The following LIMD1 variants were observed in gnomAD, a reference collection of about 807,000 sequenced individuals.
LIMD1 encodes LIM domain-containing protein 1.
In LIMD1, 23 loss-of-function variants were observed where a neutral mutation model predicts 58.4. The observed-to-expected ratio is 0.39, with a 90% CI of 0.28 to 0.56. The LOEUF (loss-of-function observed/expected upper bound fraction) is 0.56, where lower values mean the gene tolerates loss of function less well. Among genes scored for constraint, LIMD1 ranks in the 20% least tolerant of loss-of-function variants. The pLI, the probability that LIMD1 is intolerant of heterozygous loss-of-function variation, is 0.57. For missense variants in LIMD1, 838 were observed against 855.5 expected (o/e 0.98, Z 0.25); for synonymous variants, 334 against 345.5 (o/e 0.97, Z 0.37).
At chr3:45,619,107 G>A (rs566519489) in intron 1 of LIMD1, among the ~76,000 whole-genome samples, 1 of 152,246 alleles carries the variant, frequency 6.6e-6, no homozygotes, top group Admixed American at 6.5e-5. Context: ...AAATGTTTTT[G>A]TTGCTTGTCT....
Position 45,678,640 on chromosome 3 carries a change from T to C in LIMD1, c.*1581T>C, listed in dbSNP as rs574562481. 1 of 152,258 alleles carries C rather than the reference T, an allele frequency of 6.6e-6. No homozygotes were observed. The highest frequency in any genetic ancestry group is 6.5e-5 in the Admixed American group (1 of 15,284). 9.4% of individuals were successfully genotyped at this position (152,258 alleles called of 1,614,324 possible). A position where few individuals can be genotyped will look rare whatever the true frequency, so the allele number is the denominator to read the frequency against. On this transcript the variant is annotated 3_prime_UTR_variant, in exon 8 of 8. Transcript: ENST00000273317. ...CAGGCCGGGGACACAGGAGCCGGTG[T>C]GTGCACTCTGCCTCCTCACCTTGCA...
chr3:45,595,822 A>G lies in LIMD1; in HGVS notation c.943A>G (p.Asn315Asp), dbSNP rs1701341567. 1 of 1,614,158 alleles carries G rather than the reference A, an allele frequency of 6.2e-7. No individual in the cohort carries two copies. The highest frequency in any genetic ancestry group is 8.5e-7 in the Non-Finnish European group (1 of 1,180,018). Residue 315 changes from asparagine to aspartate, a missense_variant, in exon 1 of 8, where the codon AAC (asparagine) becomes GAC (aspartate). Transcript: ENST00000273317. Reference sequence around the variant, plus strand: ...CAGGCAAGGAGGTCTTCCAAGATCAAACTCGGGGCTGGGGGGTGAGGTTTC... The same window carrying G: ...CAGGCAAGGAGGTCTTCCAAGATCAGACTCGGGGCTGGGGGGTGAGGTTTC... Reference protein sequence around the residue: ...CPRQGGLPRSNSGLGGEVSGV... With the variant: ...CPRQGGLPRSDSGLGGEVSGV...
chr3:45,600,808 G>C (rs1272104413), intron 1 of LIMD1, among the ~76,000 whole-genome samples: 1 of 152,116 alleles, frequency 6.6e-6, no homozygotes, highest in African/African-American at 2.4e-5. Flanking sequence ...TCACACCTGT[G>C]ATCCCAGCGA....
chr3:45,631,025 G>A (rs193015702), intron 1 of LIMD1, among the ~76,000 whole-genome samples: 1 of 152,194 alleles, frequency 6.6e-6, no homozygotes, highest in East Asian at 1.9e-4. Flanking sequence ...CCAGCATGGA[G>A]AAACCCCGTC....
intron 2 of LIMD1, among the ~76,000 whole-genome samples, chr3:45,640,419 G>T (rs115121027): frequency 0.034 from 5,137 of 152,032 alleles, 88 homozygotes; most frequent in Non-Finnish European, 0.041. Flanking sequence ...GTTGTTTTTT[G>T]TTGTTGTTGT....
Position 45,594,809 on chromosome 3 carries a change from A to ACACACACACACAC in LIMD1, c.-70_-58dup. 3 of 723,096 alleles carry ACACACACACACAC rather than the reference A, an allele frequency of 4.1e-6. No individual in the cohort carries two copies. Among genetic ancestry groups the ACACACACACACAC allele is most frequent in the African/African-American group, 1.8e-5 (1 of 55,772 alleles). 44.8% of individuals were successfully genotyped at this position (723,096 alleles called of 1,614,324 possible). On this transcript the variant is annotated 5_prime_UTR_variant, in exon 1 of 8. Coordinates refer to ENST00000273317, the MANE Select transcript of LIMD1 (RefSeq NM_014240.3). ...CACACACACACACACACACACACAC[A>ACACACACACACAC]CACACACACACACACACACACACAC...
Position 45,633,280 on chromosome 3 carries a change from G to A in LIMD1, c.1409-2870G>A, listed in dbSNP as rs3774668. On this transcript the variant is annotated intron_variant, in intron 1 of 7. Coordinates refer to ENST00000273317, the MANE Select transcript of LIMD1 (RefSeq NM_014240.3). ...AAGAGAAGATGGAAGGGAGAAGGCA[G>A]GCAGGAACTTTTTGGGGGTGTTGGA... Among the ~76,000 whole-genome samples the A allele has an allele frequency of 5.8e-3, 881 of 152,302 alleles. 15 individuals carry two copies. In the East Asian group the frequency reaches 0.074, roughly 13 times the overall value.
chr3:45,662,101 A>G lies in LIMD1; in HGVS notation c.1511-3549A>G, dbSNP rs148182709. The stretch of plus-strand genomic sequence containing the variant: ...TGAGGAAAGCTAAAGATTTTATTTT[A>G]TAGTTATTGATCATTCATACTTATT... On this transcript the variant is annotated intron_variant, in intron 2 of 7. Coordinates refer to ENST00000273317, the MANE Select transcript of LIMD1 (RefSeq NM_014240.3). Among the ~76,000 whole-genome samples, 125 of 152,314 alleles carry G rather than the reference A, an allele frequency of 8.2e-4. 3 individuals are homozygous for G. The highest frequency in any genetic ancestry group is 2.8e-3 in the African/African-American group (117 of 41,572).
intron 1 of LIMD1, 89 bp from the exon 2 acceptor site, chr3:45,636,061 A>T (rs1217815112): frequency 3.8e-6 from 6 of 1,571,650 alleles, no homozygotes; most frequent in Non-Finnish European, 5.2e-6. Context: ...ATGGGGAGGG[A>T]TGGTATTATG....
chr3:45,646,531 C>G (rs1028538868), intron 2 of LIMD1, among the ~76,000 whole-genome samples: 1 of 152,330 alleles, frequency 6.6e-6, no homozygotes, highest in East Asian at 1.9e-4. Context: ...TACTGGCCAC[C>G]TGGGGCTCTT....
chr3:45,596,638 A>G (rs1701358700), intron 1 of LIMD1, among the ~76,000 whole-genome samples: 2 of 151,792 alleles, frequency 1.3e-5, no homozygotes, highest in South Asian at 4.2e-4. Flanking sequence ...CTCATATAGG[A>G]CTTCAGTGGG....
chr3:45,621,087 CA>C (rs1485398744), intron 1 of LIMD1, among the ~76,000 whole-genome samples: 1 of 152,210 alleles, frequency 6.6e-6, no homozygotes, highest in African/African-American at 2.4e-5. Flanking sequence ...TATACTCTTC[CA>C]AAGTACCAAG....
chr3:45,658,412 A>G (rs1559524090), intron 2 of LIMD1, among the ~76,000 whole-genome samples: 1 of 152,140 alleles, frequency 6.6e-6, no homozygotes, highest in African/African-American at 2.4e-5. Flanking sequence ...TTATCTAGCC[A>G]GCTGGGCAAT....
chr3:45,674,310 CTCCTA>C (rs1697636914), intron 6 of LIMD1, 28 bp from the exon 7 acceptor site: 1 of 1,601,678 alleles, frequency 6.2e-7, no homozygotes, highest in Non-Finnish European at 8.6e-7. Context: ...TAACAGGCCT[CTCCTA>C]TGTGTTCTTG....
intron 1 of LIMD1, among the ~76,000 whole-genome samples, chr3:45,632,066 G>A (rs1575352522): frequency 6.6e-6 from 1 of 152,206 alleles, no homozygotes; most frequent in Non-Finnish European, 1.5e-5. Context: ...TAAACAAAGA[G>A]GCCACAGCAT....
intron 2 of LIMD1, among the ~76,000 whole-genome samples, chr3:45,664,761 C>T (rs1310521434): frequency 1.3e-5 from 2 of 152,190 alleles, no homozygotes; most frequent in East Asian, 1.9e-4. Context: ...CTCTGTATCT[C>T]GGGCACTGTT....
Position 45,667,173 on chromosome 3 carries a change from G to A in LIMD1, c.1579-1121G>A, listed in dbSNP as rs571313984. ...GGGCAAGAGTGCCAGTCCCTCCTTCGGAATCCTCCACAGACGTCTGATGGA... is the reference window on the plus strand; with the variant it reads ...GGGCAAGAGTGCCAGTCCCTCCTTCAGAATCCTCCACAGACGTCTGATGGA... On this transcript the variant is annotated intron_variant, in intron 3 of 7. Transcript: ENST00000273317. Among the ~76,000 whole-genome samples, 282 of 152,284 alleles carry A rather than the reference G, an allele frequency of 1.9e-3. 1 individual carries two copies. The highest frequency in any genetic ancestry group is 5.8e-3 in the African/African-American group (241 of 41,540).
In LIMD1 at chr3:45,683,774, C is replaced by T. The variant is rs1421528550; in HGVS notation, c.*6715C>T. On this transcript the variant is annotated 3_prime_UTR_variant, in exon 8 of 8. Transcript: ENST00000273317. ...GGCTGCTCCCACCCTGTGGAGCGTACTTTCGTTTTTCAATAAATCTCTTTT... is the reference window on the plus strand; with the variant it reads ...GGCTGCTCCCACCCTGTGGAGCGTATTTTCGTTTTTCAATAAATCTCTTTT... 1.3e-5 allele frequency: 2 copies of T among 152,198 alleles called. No individual in the cohort carries two copies. The highest frequency in any genetic ancestry group is 1.3e-4 in the Admixed American group (2 of 15,282). 9.4% of individuals were successfully genotyped at this position (152,198 alleles called of 1,614,324 possible).
rs1488197613 is a variant in LIMD1, at chr3:45,682,389, G to A, written c.*5330G>A. 6.6e-6 allele frequency: 1 copy of A among 152,262 alleles called. No individual in the cohort carries two copies. The highest frequency in any genetic ancestry group is 1.9e-4 in the East Asian group (1 of 5,194). 9.4% of individuals were successfully genotyped at this position (152,262 alleles called of 1,614,324 possible). On this transcript the variant is annotated 3_prime_UTR_variant, in exon 8 of 8. Transcript: ENST00000273317. ...CCTATGATGTAAATATTCCCGCCATGGCCACTTTCCAGCTACCAGCAAGGC... is the reference window on the plus strand; with the variant it reads ...CCTATGATGTAAATATTCCCGCCATAGCCACTTTCCAGCTACCAGCAAGGC...
Sources: gnomAD v4.1 joint callset for allele counts (sites outside exome capture counted in the v4.1 genomes callset) on GRCh38, gnomAD v4.1.1 for gene constraint, MANE v1.5 for transcripts, NCBI Gene and HGNC (gene_info 2026-07-23, HGNC 2026-07-21) for gene names.